XYLT1: variants seen among roughly 807,000 people sequenced by gnomAD.
XYLT1 encodes the protein xylosyltransferase 1.
In XYLT1, 36 loss-of-function variants were observed where a neutral mutation model predicts 91.3. The observed-to-expected ratio is 0.39, with a 90% confidence interval of 0.30 to 0.52. The LOEUF is 0.52. Ranked by LOEUF, XYLT1 falls within the 20% of genes least tolerant of loss-of-function variation. XYLT1 has a pLI of 0.68. For synonymous variants in XYLT1, 588 were observed against 532.0 expected, an observed-to-expected ratio of 1.11 and a Z score of -1.45; for missense variants, 1,242 against 1,284.5, an observed-to-expected ratio of 0.97 and a Z score of 0.51.
At chr16:17,216,151 G>A (rs569373551) in intron 3 of XYLT1, among the ~76,000 whole-genome samples, 1 of 152,296 alleles carries the variant, frequency 6.6e-6, no homozygotes, top group African/African-American at 2.4e-5. Flanking sequence ...GAGCCTTCCT[G>A]TCGCTTGACA....
At chr16:17,148,596 G>A (rs9989425) in intron 6 of XYLT1, among the ~76,000 whole-genome samples, 47,825 of 152,100 alleles carry the variant, frequency 0.31, 9,367 homozygotes, top group Non-Finnish European at 0.44. Flanking sequence ...ACTAGGTATT[G>A]GATCCTTCTA....
intron 6 of XYLT1, among the ~76,000 whole-genome samples, chr16:17,147,661 G>T (rs1037046457): frequency 1.4e-4 from 22 of 152,212 alleles, no homozygotes; most frequent in African/African-American, 5.3e-4. Context: ...AGTCACAGGG[G>T]TGAATGGGGA....
At chr16:17,337,324 A>G (rs2034995403) in intron 2 of XYLT1, among the ~76,000 whole-genome samples, 1 of 152,134 alleles carries the variant, frequency 6.6e-6, no homozygotes, top group Non-Finnish European at 1.5e-5. Context: ...GGTAGCTGGA[A>G]CTATAAGCAC....
At chr16:17,172,236 CTTTCCT>C (rs1191282759) in intron 5 of XYLT1, among the ~76,000 whole-genome samples, 1 of 151,544 alleles carries the variant, frequency 6.6e-6, no homozygotes, top group African/African-American at 2.4e-5. Flanking sequence ...TTCCATTTCT[CTTTCCT>C]TTTCCTTTGT....
intron 2 of XYLT1, among the ~76,000 whole-genome samples, chr16:17,270,311 T>TG (rs1342974870): frequency 1.4e-4 from 22 of 152,224 alleles, no homozygotes; most frequent in Non-Finnish European, 2.4e-4. Flanking sequence ...GCTAAGTCCT[T>TG]GGGGTAAAAA....
At chr16:17,295,795 A>G (rs1295047100) in intron 2 of XYLT1, among the ~76,000 whole-genome samples, 1 of 152,180 alleles carries the variant, frequency 6.6e-6, no homozygotes, top group African/African-American at 2.4e-5. Context: ...GCTGCTTAAT[A>G]TCCTGTAATG....
intron 1 of XYLT1, among the ~76,000 whole-genome samples, chr16:17,364,747 C>T (rs1264225309): frequency 6.6e-6 from 1 of 152,180 alleles, no homozygotes; most frequent in Non-Finnish European, 1.5e-5. Flanking sequence ...GAATAATTTG[C>T]TCAAAAACAC....
chr16:17,210,449 C>T (rs77962567), intron 3 of XYLT1, among the ~76,000 whole-genome samples: 11 of 152,242 alleles, frequency 7.2e-5, no homozygotes, highest in East Asian at 5.8e-4. Flanking sequence ...TGGTGGTGCA[C>T]GCCTATAATC....
At chr16:17,211,543 C>A (rs2032757135) in intron 3 of XYLT1, among the ~76,000 whole-genome samples, 2 of 152,144 alleles carry the variant, frequency 1.3e-5, no homozygotes, top group Non-Finnish European at 2.9e-5. Flanking sequence ...ACTCATGAGG[C>A]TTTTACCTCT....
chr16:17,388,356 C>T (rs757718015), intron 1 of XYLT1, among the ~76,000 whole-genome samples: 1 of 152,190 alleles, frequency 6.6e-6, no homozygotes, highest in Non-Finnish European at 1.5e-5. Flanking sequence ...GAGTGACTGT[C>T]TGTGTCTCTG....
intron 5 of XYLT1, among the ~76,000 whole-genome samples, chr16:17,180,671 G>A (rs951881376): frequency 6.6e-6 from 1 of 152,136 alleles, no homozygotes; most frequent in African/African-American, 2.4e-5. Flanking sequence ...AAACTGGCCA[G>A]TACTACCAAA....
chr16:17,323,202 A>C (rs943711952), intron 2 of XYLT1, among the ~76,000 whole-genome samples: 2 of 152,238 alleles, frequency 1.3e-5, no homozygotes, highest in Non-Finnish European at 2.9e-5. Flanking sequence ...ATTTTCTATG[A>C]TATCCCTCTC....
intron 1 of XYLT1, among the ~76,000 whole-genome samples, chr16:17,381,550 C>T (rs535365620): frequency 6.6e-6 from 1 of 151,502 alleles, no homozygotes; most frequent in African/African-American, 2.4e-5. Context: ...CTGCCTCAGC[C>T]TCCTGAGCTG....
Position 17,104,094 on chromosome 16 carries a change from A to C in XYLT1, c.*4601T>G, listed in dbSNP as rs1214097066. On this transcript the variant is annotated 3_prime_UTR_variant, in exon 12 of 12. Coordinates refer to ENST00000261381, the MANE Select transcript of XYLT1 (RefSeq NM_022166.4). ...GCGCCTGTGGTAGACCCATGGGCAA[A>C]GTAAGGTAACTGAGGCAGAAGCAAA... 6.5e-6 allele frequency: 1 copy of C among 152,744 alleles called. No homozygotes were observed. Among genetic ancestry groups the C allele is most frequent in the African/African-American group, 2.4e-5 (1 of 41,414 alleles). The allele number at this position is 152,744 out of a possible 1,614,324, so 9.5% of individuals were successfully genotyped here.
chr16:17,294,669 C>G (rs1441160614), intron 2 of XYLT1, among the ~76,000 whole-genome samples: 1 of 152,036 alleles, frequency 6.6e-6, no homozygotes, highest in Non-Finnish European at 1.5e-5. Context: ...ACCCTGCTGC[C>G]CTGGGTGAGG....
chr16:17,266,719 C>T (rs956302007), intron 2 of XYLT1, among the ~76,000 whole-genome samples: 1 of 152,196 alleles, frequency 6.6e-6, no homozygotes, highest in Non-Finnish European at 1.5e-5. Context: ...GCCATGTGCA[C>T]GCACAGCCGG....
At chr16:17,217,302 C>G (rs2032878371) in intron 3 of XYLT1, among the ~76,000 whole-genome samples, 1 of 152,020 alleles carries the variant, frequency 6.6e-6, no homozygotes, top group South Asian at 2.1e-4. Context: ...CTGATTGTTT[C>G]TTGGATTTCT....
At chr16:17,177,355 G>C (rs1430792772) in intron 5 of XYLT1, among the ~76,000 whole-genome samples, 1 of 152,106 alleles carries the variant, frequency 6.6e-6, no homozygotes, top group African/African-American at 2.4e-5. Context: ...AGCTTTCCCT[G>C]GTCCTTTAGA....
intron 10 of XYLT1, among the ~76,000 whole-genome samples, chr16:17,118,605 G>C (rs2029941519): frequency 6.6e-6 from 1 of 152,044 alleles, no homozygotes; most frequent in Non-Finnish European, 1.5e-5. Context: ...CTTCCTTCCT[G>C]CCAGCCAGCT....
Sources: allele counts gnomAD v4.1 joint callset (sites outside exome capture counted in the v4.1 genomes callset), GRCh38; gene constraint gnomAD v4.1.1; transcripts MANE v1.5; gene names NCBI Gene and HGNC (gene_info 2026-07-23, HGNC 2026-07-21).